Variants in CTNNA3 observed in about 807,000 individuals in gnomAD.
The protein encoded by CTNNA3 is catenin alpha 3.
Under a neutral mutation model 95.7 loss-of-function variants are expected in CTNNA3, and 76 were observed. The ratio of observed to expected loss-of-function variants is 0.79; its 90% confidence interval spans 0.66 to 0.96. CTNNA3 has a LOEUF of 0.96. CTNNA3 is among the 40% of genes least tolerant of loss of function. The probability of loss-of-function intolerance (pLI) is 0.00; values close to 1 mark genes in which losing one functional copy is unlikely to be tolerated. For missense variants in CTNNA3, 1,191 were observed against 1,089.8 expected (o/e 1.09, Z -1.31); for synonymous variants, 431 against 374.4 (o/e 1.15, Z -1.74).
At chr10:66,088,578 G>A (rs2081083571) in intron 14 of CTNNA3, among the ~76,000 whole-genome samples, 1 of 148,766 alleles carries the variant, frequency 6.7e-6, no homozygotes. Flanking sequence ...AATGTATCTG[G>A]GCAAACATTC....
chr10:67,302,052 A>AAAGG (rs1840334689), intron 5 of CTNNA3, among the ~76,000 whole-genome samples: 1 of 129,676 alleles, frequency 7.7e-6, no homozygotes, highest in Admixed American at 7.3e-5. Flanking sequence ...AGAAAGAAAG[A>AAAGG]AAGAAAGAAA....
chr10:67,497,911 T>C (rs574627883), intron 5 of CTNNA3, among the ~76,000 whole-genome samples: 1 of 152,350 alleles, frequency 6.6e-6, no homozygotes, highest in African/African-American at 2.4e-5. Context: ...ATAGTTTCTT[T>C]TGCTGTGCAG....
chr10:66,679,568 C>T (rs985028373), intron 9 of CTNNA3, among the ~76,000 whole-genome samples: 6 of 152,128 alleles, frequency 3.9e-5, no homozygotes, highest in African/African-American at 1.4e-4. Flanking sequence ...CTTCAGCATG[C>T]CTTGCCTGAG....
chr10:67,719,036 G>T (rs1841162132), intron 1 of CTNNA3, among the ~76,000 whole-genome samples: 1 of 152,152 alleles, frequency 6.6e-6, no homozygotes, highest in African/African-American at 2.4e-5. Context: ...TCTTGGGAGG[G>T]TGTATGTGTC....
intron 7 of CTNNA3, among the ~76,000 whole-genome samples, chr10:66,969,633 T>G (rs1849614886): frequency 6.6e-6 from 1 of 152,148 alleles, no homozygotes; most frequent in Non-Finnish European, 1.5e-5. Flanking sequence ...GTTATGAAAA[T>G]TTTTATTCCA....
intron 11 of CTNNA3, among the ~76,000 whole-genome samples, chr10:66,448,902 T>A (rs930770819): frequency 6.6e-6 from 1 of 152,098 alleles, no homozygotes; most frequent in Admixed American, 6.6e-5. Context: ...TCATTTAATC[T>A]GCTTTTATAT....
At chr10:67,167,814 G>A (rs988631172) in intron 7 of CTNNA3, among the ~76,000 whole-genome samples, 12 of 152,086 alleles carry the variant, frequency 7.9e-5, no homozygotes, top group Non-Finnish European at 1.6e-4. Flanking sequence ...TACCCCAACA[G>A]TAGCATTTTT....
chr10:67,608,505 A>T (rs975683208), intron 2 of CTNNA3, among the ~76,000 whole-genome samples: 14 of 152,342 alleles, frequency 9.2e-5, no homozygotes, highest in African/African-American at 3.1e-4. Context: ...TTCTTCGAGT[A>T]GCAAAACTTG....
At chr10:66,385,908 C>T (rs2092886459) in intron 11 of CTNNA3, among the ~76,000 whole-genome samples, 1 of 152,182 alleles carries the variant, frequency 6.6e-6, no homozygotes, top group Non-Finnish European at 1.5e-5. Flanking sequence ...ATGCTAAAAA[C>T]TCTCAATAAA....
chr10:66,008,466 G>A (rs887336372), intron 15 of CTNNA3, among the ~76,000 whole-genome samples: 7 of 152,324 alleles, frequency 4.6e-5, no homozygotes, highest in East Asian at 1.9e-4. Context: ...TCCGAAAGGC[G>A]TCCCTCTTCA....
intron 12 of CTNNA3, among the ~76,000 whole-genome samples, chr10:66,349,687 A>G (rs1221581243): frequency 6.6e-6 from 1 of 152,136 alleles, no homozygotes; most frequent in Admixed American, 6.5e-5. Flanking sequence ...AAAATACCCA[A>G]AGAGATTCAA....
intron 9 of CTNNA3, among the ~76,000 whole-genome samples, chr10:66,739,652 A>G (rs1054681393): frequency 6.6e-6 from 1 of 152,144 alleles, no homozygotes; most frequent in African/African-American, 2.4e-5. Context: ...AATGTGTTTC[A>G]TTGTCTAATA....
intron 13 of CTNNA3, among the ~76,000 whole-genome samples, chr10:66,197,586 C>T (rs1420402716): frequency 6.6e-6 from 1 of 152,030 alleles, no homozygotes; most frequent in Non-Finnish European, 1.5e-5. Flanking sequence ...TAAAATGTTC[C>T]CATTAATTAG....
At chr10:67,024,775 T>C (rs1853248120) in intron 7 of CTNNA3, among the ~76,000 whole-genome samples, 1 of 152,204 alleles carries the variant, frequency 6.6e-6, no homozygotes, top group Non-Finnish European at 1.5e-5. Flanking sequence ...TCATTGATGT[T>C]GCTTTAAATA....
chr10:66,356,620 C>A (rs1442869385), intron 12 of CTNNA3, among the ~76,000 whole-genome samples: 2 of 151,910 alleles, frequency 1.3e-5, no homozygotes, highest in African/African-American at 4.8e-5. Flanking sequence ...TGCCTTATTG[C>A]ACTGACTAGA....
chr10:67,604,336 G>C (rs936307957), intron 3 of CTNNA3, among the ~76,000 whole-genome samples: 1 of 152,184 alleles, frequency 6.6e-6, no homozygotes, highest in Non-Finnish European at 1.5e-5. Context: ...CAGGAAAGAG[G>C]TGCAAGATAA....
intron 13 of CTNNA3, among the ~76,000 whole-genome samples, chr10:66,189,665 T>C (rs2086561932): frequency 1.3e-5 from 2 of 149,152 alleles, no homozygotes; most frequent in African/African-American, 5.0e-5. Flanking sequence ...CACACATATA[T>C]ATATATTGTT....
rs1332952871 is a variant in CTNNA3 at position 66,356,128 on chromosome 10, T to G, written c.1732+23024A>C. ...AAATTTGTTTGCTTGTTTTGTTTTT[T>G]TTTTTTTTTTTTTGGCTATTCTGGT... On this transcript the variant is annotated intron_variant, in intron 12 of 17. Transcript: ENST00000433211. Among the ~76,000 whole-genome samples, 147 of 149,988 alleles carry G rather than the reference T, an allele frequency of 9.8e-4. 1 individual carries two copies. The highest frequency in any genetic ancestry group is 4.5e-3 in the East Asian group (23 of 5,144).
At chr10:65,971,689 CCAA>C (rs1309273085) in intron 16 of CTNNA3, among the ~76,000 whole-genome samples, 1 of 151,698 alleles carries the variant, frequency 6.6e-6, no homozygotes, top group African/African-American at 2.4e-5. Flanking sequence ...ACACCCACCA[CCAA>C]CAACAACAAA....
Sources: allele counts gnomAD v4.1 joint callset (sites outside exome capture counted in the v4.1 genomes callset), GRCh38; gene constraint gnomAD v4.1.1; transcripts MANE v1.5; gene names NCBI Gene and HGNC (gene_info 2026-07-23, HGNC 2026-07-21).